GRID1: variants seen among roughly 807,000 people sequenced by gnomAD.
GRID1 encodes the protein glutamate receptor ionotropic, delta-1.
In GRID1, 28 loss-of-function variants were observed where a neutral mutation model predicts 98.0. The observed-to-expected ratio is 0.29, with a 90% CI of 0.21 to 0.39. The LOEUF is 0.39. Among genes scored for constraint, GRID1 ranks in the 10% least tolerant of loss-of-function variants. The pLI is 1.00. For missense variants in GRID1, 1,111 were observed against 1,340.5 expected (o/e 0.83, Z 2.67); for synonymous variants, 553 against 538.5 (o/e 1.03, Z -0.37).
intron 4 of GRID1, among the ~76,000 whole-genome samples, chr10:85,918,170 T>C (rs1841647229): frequency 6.6e-6 from 1 of 152,106 alleles, no homozygotes; most frequent in South Asian, 2.1e-4. Context: ...ATCTGGAGGA[T>C]GTCATAACAT....
intron 8 of GRID1, among the ~76,000 whole-genome samples, chr10:85,776,925 C>T (rs1184989952): frequency 1.3e-5 from 2 of 152,184 alleles, no homozygotes; most frequent in African/African-American, 4.8e-5. Context: ...AAGCAGACCA[C>T]AGTGAGAGGC....
In GRID1 at chr10:85,697,090, T is replaced by C. The variant is rs549246847; in HGVS notation, c.1997+25913A>G. On this transcript the variant is annotated intron_variant, in intron 12 of 15. Coordinates refer to ENST00000327946, the MANE Select transcript of GRID1 (RefSeq NM_017551.3). ...GTTTCATGCACACTAAAAAACTGCA[T>C]ATTCTGCAATTTTGGGGTATAGCGT... 2.0e-5 allele frequency among the ~76,000 whole-genome samples: 3 copies of C among 152,302 alleles called. No individual in the cohort carries two copies. The East Asian group carries it at 5.8e-4, about 29-fold the overall frequency.
chr10:85,937,201 A>G (rs776060676), intron 4 of GRID1, among the ~76,000 whole-genome samples: 11 of 152,244 alleles, frequency 7.2e-5, no homozygotes, highest in Non-Finnish European at 1.0e-4. Flanking sequence ...TGTGGCCTGG[A>G]CAAGCATTAG....
chr10:85,816,820 C>A (rs1842720538), intron 8 of GRID1, among the ~76,000 whole-genome samples: 1 of 152,052 alleles, frequency 6.6e-6, no homozygotes, highest in African/African-American at 2.4e-5. Context: ...AAGTATAGTA[C>A]CTGATAGGTA....
At chr10:85,680,597 A>G (rs79884077) in intron 12 of GRID1, among the ~76,000 whole-genome samples, 6,511 of 152,286 alleles carry the variant, frequency 0.043, 170 homozygotes, top group Middle Eastern at 0.048. Context: ...TAAGACTACC[A>G]CTTGATCTAG....
chr10:85,978,339 T>C (rs112147891), intron 4 of GRID1, among the ~76,000 whole-genome samples: 1,743 of 152,318 alleles, frequency 0.011, 38 homozygotes, highest in African/African-American at 0.04. Flanking sequence ...TGCATTTACT[T>C]AGAAGCATTT....
chr10:86,349,866 G>A (rs1171632553), intron 2 of GRID1, among the ~76,000 whole-genome samples: 1 of 152,206 alleles, frequency 6.6e-6, no homozygotes, highest in Non-Finnish European at 1.5e-5. Context: ...CAGTAAACAA[G>A]ACAGACACTT....
chr10:85,959,893 T>A (rs914320291), intron 4 of GRID1, among the ~76,000 whole-genome samples: 2 of 152,190 alleles, frequency 1.3e-5, no homozygotes, highest in African/African-American at 4.8e-5. Context: ...GGGTAATTTT[T>A]TTTTTTAAGA....
chr10:85,986,845 C>G (rs1842614293), intron 4 of GRID1, among the ~76,000 whole-genome samples: 1 of 152,198 alleles, frequency 6.6e-6, no homozygotes, highest in Non-Finnish European at 1.5e-5. Flanking sequence ...TCTTATGAAA[C>G]CCAAGTGGAG....
chr10:85,800,313 AT>A (rs1842564204), intron 8 of GRID1, among the ~76,000 whole-genome samples: 1 of 152,090 alleles, frequency 6.6e-6, no homozygotes, highest in Non-Finnish European at 1.5e-5. Flanking sequence ...AACACACATC[AT>A]TCTCAGGCAT....
At chr10:86,161,073 C>T (rs1289637000) in intron 3 of GRID1, among the ~76,000 whole-genome samples, 1 of 152,204 alleles carries the variant, frequency 6.6e-6, no homozygotes, top group African/African-American at 2.4e-5. Flanking sequence ...TGTCCCAGGC[C>T]TCCCACCTCT....
intron 13 of GRID1, among the ~76,000 whole-genome samples, chr10:85,632,946 G>C (rs927071373): frequency 3.9e-5 from 6 of 152,114 alleles, no homozygotes; most frequent in African/African-American, 1.2e-4. Flanking sequence ...TCATTGTTCA[G>C]CTCCCACTTA....
intron 4 of GRID1, among the ~76,000 whole-genome samples, chr10:86,017,639 G>T (rs1479208445): frequency 6.6e-6 from 1 of 152,210 alleles, no homozygotes; most frequent in Admixed American, 6.5e-5. Context: ...GGGCAGGTAT[G>T]GCTGGCAGAC....
At chr10:85,732,559 A>C (rs1024514766) in intron 8 of GRID1, among the ~76,000 whole-genome samples, 3 of 152,134 alleles carry the variant, frequency 2.0e-5, no homozygotes, top group Non-Finnish European at 4.4e-5. Flanking sequence ...TGAAGCCCTG[A>C]ACATCATTCT....
chr10:85,805,060 T>G (rs1486753852), intron 8 of GRID1, among the ~76,000 whole-genome samples: 1 of 151,112 alleles, frequency 6.6e-6, no homozygotes, highest in African/African-American at 2.4e-5. Context: ...ATCTAAAAAA[T>G]GCAAAGAAGA....
At position 86,168,447 on chromosome 10, in the gene GRID1, G is replaced by A. The variant is rs190102979; in HGVS notation, c.521-29423C>T. On this transcript the variant is annotated intron_variant, in intron 3 of 15. Coordinates refer to ENST00000327946, the MANE Select transcript of GRID1 (RefSeq NM_017551.3). ...GCCCAAGCTGTGGGCTGTGTTTACCGAGGGCACATCTGAGCCCTGGGAAGC... is the reference window on the plus strand; with the variant it reads ...GCCCAAGCTGTGGGCTGTGTTTACCAAGGGCACATCTGAGCCCTGGGAAGC... Among the ~76,000 whole-genome samples the A allele has an allele frequency of 4.6e-5, 7 of 152,274 alleles. 1 individual carries two copies. The highest frequency in any genetic ancestry group is 1.3e-4 in the Admixed American group (2 of 15,306).
At chr10:86,361,777 C>T (rs1233565113) in intron 2 of GRID1, among the ~76,000 whole-genome samples, 2 of 152,242 alleles carry the variant, frequency 1.3e-5, no homozygotes, top group African/African-American at 4.8e-5. Context: ...ATCAGCACAT[C>T]TACAACAGTA....
At chr10:85,816,887 CTGT>C (rs1325432953) in intron 8 of GRID1, among the ~76,000 whole-genome samples, 2 of 152,150 alleles carry the variant, frequency 1.3e-5, no homozygotes, top group Non-Finnish European at 2.9e-5. Flanking sequence ...ACCCCAGAAT[CTGT>C]TGTTCCCCTC....
At chr10:85,834,935 G>T (rs35290493) in intron 8 of GRID1, among the ~76,000 whole-genome samples, 10,457 of 152,046 alleles carry the variant, frequency 0.069, 397 homozygotes, top group Non-Finnish European at 0.082. Flanking sequence ...CCAACTAAAT[G>T]CTGTTTGCAA....
Sources: gnomAD v4.1 joint callset for allele counts (sites outside exome capture counted in the v4.1 genomes callset) on GRCh38, gnomAD v4.1.1 for gene constraint, MANE v1.5 for transcripts, NCBI Gene and HGNC (gene_info 2026-07-23, HGNC 2026-07-21) for gene names.